Variants in RASGRP3 observed in about 807,000 individuals in gnomAD.
RASGRP3 encodes RAS guanyl releasing protein 3.
RASGRP3 carries 54 observed loss-of-function variants against 82.7 expected under a neutral mutation model. That is an observed-to-expected ratio of 0.65 (90% confidence interval 0.52 to 0.82). The LOEUF (loss-of-function observed/expected upper bound fraction) is 0.82, where lower values mean the gene tolerates loss of function less well. RASGRP3 is among the 40% of genes least tolerant of loss of function. The pLI is 0.00. For synonymous variants in RASGRP3, 309 were observed against 300.5 expected (o/e 1.03, Z -0.29); for missense variants, 861 against 828.9 (o/e 1.04, Z -0.48).
At chr2:33,557,370 A>G (rs1676101528) in intron 15 of RASGRP3, among the ~76,000 whole-genome samples, 1 of 152,234 alleles carries the variant, frequency 6.6e-6, no homozygotes, top group African/African-American at 2.4e-5. Flanking sequence ...AGCAGAAGAT[A>G]TAATCACTGG....
chr2:33,527,195 A>G lies in RASGRP3; in HGVS notation c.866A>G (p.Lys289Arg). Residue 289 changes from lysine (K) to arginine (R), a missense_variant, in exon 10 of 18, where the codon AAG (lysine) becomes AGG (arginine). By Grantham distance (26) the Lys-to-Arg change is conservative (BLOSUM62 2). Coordinates refer to ENST00000403687, the MANE Select transcript of RASGRP3 (RefSeq NM_001139488.2). Reference sequence around the variant, plus strand: ...AACGGCAATTACTGCAATTACCGCAAGGCCTTTGCCGACTGCGATGGCTTC... The same window carrying G: ...AACGGCAATTACTGCAATTACCGCAGGGCCTTTGCCGACTGCGATGGCTTC... The part of the protein sequence containing the change: ...SSNGNYCNYR[K>R]AFADCDGFKI... 6.2e-7 allele frequency: 1 copy of G among 1,614,054 alleles called. No homozygotes were observed. The highest frequency in any genetic ancestry group is 8.5e-7 in the Non-Finnish European group (1 of 1,179,884).
At chr2:33,512,495 A>G (rs781367777) in intron 2 of RASGRP3, among the ~76,000 whole-genome samples, 16 of 152,216 alleles carry the variant, frequency 1.1e-4, no homozygotes, top group Admixed American at 7.2e-4. Flanking sequence ...CATTAGAGGA[A>G]TCAGAGAAGT....
chr2:33,554,534 G>A (rs1321267848), intron 14 of RASGRP3, among the ~76,000 whole-genome samples: 1 of 151,664 alleles, frequency 6.6e-6, no homozygotes, highest in African/African-American at 2.4e-5. Context: ...GTGCAGTGGT[G>A]CGGTCTCAGC....
chr2:33,522,166 G>A, intron 7 of RASGRP3, 64 bp downstream of exon 7: 2 of 1,526,120 alleles, frequency 1.3e-6, no homozygotes, highest in Non-Finnish European at 1.8e-6. Context: ...CCCAAGAGCT[G>A]CATTTTCATA....
At chr2:33,495,846 C>T (rs978795699) in intron 1 of RASGRP3, among the ~76,000 whole-genome samples, 3 of 152,170 alleles carry the variant, frequency 2.0e-5, no homozygotes, top group Non-Finnish European at 2.9e-5. Context: ...GTCACTTGGT[C>T]TCAACTTGGG....
chr2:33,484,560 A>G (rs919232390), intron 1 of RASGRP3, among the ~76,000 whole-genome samples: 1 of 152,078 alleles, frequency 6.6e-6, no homozygotes, highest in Non-Finnish European at 1.5e-5. Context: ...TGGTAAGGAC[A>G]GCACCCAGTC....
At chr2:33,442,129 A>G (rs1158321869) in intron 1 of RASGRP3, among the ~76,000 whole-genome samples, 2 of 152,208 alleles carry the variant, frequency 1.3e-5, no homozygotes, top group Non-Finnish European at 2.9e-5. Context: ...AGTAAGAGCT[A>G]AAAAGTCATA....
At chr2:33,512,381 T>C (rs1167904580) in intron 2 of RASGRP3, among the ~76,000 whole-genome samples, 1 of 152,208 alleles carries the variant, frequency 6.6e-6, no homozygotes, top group Non-Finnish European at 1.5e-5. Context: ...ATATGTCTAC[T>C]CTTCCGTGAG....
At chr2:33,501,241 A>G (rs1405374818) in intron 1 of RASGRP3, among the ~76,000 whole-genome samples, 3 of 152,228 alleles carry the variant, frequency 2.0e-5, no homozygotes, top group East Asian at 3.8e-4. Context: ...ATATTGCAGC[A>G]TGTATCAGTA....
At chr2:33,470,807 C>T (rs1341650439) in intron 2 of RASGRP3, among the ~76,000 whole-genome samples, 1 of 152,088 alleles carries the variant, frequency 6.6e-6, no homozygotes, top group Non-Finnish European at 1.5e-5. Flanking sequence ...TTATTTGTAA[C>T]TGTTCACCTC....
chr2:33,467,988 C>CTTTCTT (rs1666808145), intron 2 of RASGRP3, among the ~76,000 whole-genome samples: 2 of 26,300 alleles, frequency 7.6e-5, no homozygotes, highest in Non-Finnish European at 1.5e-4. Context: ...CTTTTTCTTT[C>CTTTCTT]TTTCTTTCTT....
Position 33,522,035 on chromosome 2 carries a change from A to T in RASGRP3, c.449A>T (p.His150Leu), listed in dbSNP as rs917075235. 1.2e-6 allele frequency: 2 copies of T among 1,613,950 alleles called. No homozygotes were observed. The highest frequency in any genetic ancestry group is 2.2e-5 in the East Asian group (1 of 44,874). Residue 150 changes from histidine to leucine, a missense_variant, in exon 7 of 18, where the codon CAT becomes CTT. Physicochemically the swap from His to Leu is moderately conservative, Grantham distance 99. Coordinates refer to ENST00000403687, the MANE Select transcript of RASGRP3 (RefSeq NM_001139488.2). ...KKGKACLLFD[H>L]LEPIELAEHL... ...GGAAAAGCCTGTCTGCTGTTTGACCATCTGGAGCCCATTGAATTGGCTGAG... is the reference window on the plus strand; with the variant it reads ...GGAAAAGCCTGTCTGCTGTTTGACCTTCTGGAGCCCATTGAATTGGCTGAG...
intron 10 of RASGRP3, among the ~76,000 whole-genome samples, chr2:33,530,154 C>A (rs955153252): frequency 6.6e-6 from 1 of 152,142 alleles, no homozygotes; most frequent in Non-Finnish European, 1.5e-5. Context: ...CCAATGCATG[C>A]GAAGGCATCC....
chr2:33,522,088 T>G lies in RASGRP3; in HGVS notation c.502T>G (p.Phe168Val). Residue 168 changes from phenylalanine to valine, a missense_variant, in exon 7 of 18, where the codon TTT becomes GTT. Physicochemically the swap from Phe to Val is conservative, Grantham distance 50 (BLOSUM62 -1). Coordinates refer to ENST00000403687, the MANE Select transcript of RASGRP3 (RefSeq NM_001139488.2). ...EHLTFLEHKS[F>V]RRISFTDYQS... is the part of the protein sequence containing the mutation. Reference sequence around the variant, plus strand: ...CCTCACTTTTCTGGAGCATAAATCTTTTAGAAGGATCTCAGTAAGAAACTT... The same window carrying G: ...CCTCACTTTTCTGGAGCATAAATCTGTTAGAAGGATCTCAGTAAGAAACTT... 6.2e-7 allele frequency: 1 copy of G among 1,606,234 alleles called. No individual in the cohort carries two copies. The highest frequency in any genetic ancestry group is 8.5e-7 in the Non-Finnish European group (1 of 1,178,104).
chr2:33,541,510 A>G (rs1674275958), intron 12 of RASGRP3, among the ~76,000 whole-genome samples: 1 of 147,242 alleles, frequency 6.8e-6, no homozygotes, highest in Non-Finnish European at 1.5e-5. Flanking sequence ...TTACGTCACT[A>G]ACTTGATACA....
rs943847574 is a variant in RASGRP3 at position 33,563,126 on chromosome 2, A to AAAC, written c.*390_*392dup. 4.8e-6 allele frequency: 1 copy of AAAC among 206,628 alleles called. No homozygotes were observed. The highest frequency in any genetic ancestry group is 2.3e-5 in the African/African-American group (1 of 43,486). 12.8% of individuals were successfully genotyped at this position (206,628 alleles called of 1,614,324 possible). On this transcript the variant is annotated 3_prime_UTR_variant, in exon 18 of 18. Transcript: ENST00000403687. ...GAGACTATCCTTTCAATATTTTTAT[A>AAAC]AACTTTTGTGTGTGCTGTGGCAGGG...
chr2:33,498,555 C>A (rs1288426507), intron 1 of RASGRP3, among the ~76,000 whole-genome samples: 1 of 152,166 alleles, frequency 6.6e-6, no homozygotes, highest in Non-Finnish European at 1.5e-5. Flanking sequence ...CTCTCCCCTT[C>A]AAAATGGTTT....
chr2:33,484,844 G>A (rs1668232661), intron 1 of RASGRP3, among the ~76,000 whole-genome samples: 1 of 152,172 alleles, frequency 6.6e-6, no homozygotes, highest in Non-Finnish European at 1.5e-5. Flanking sequence ...TAGTCTGCCT[G>A]GAAACAAAGT....
At chr2:33,491,616 T>TGCAA (rs1668851243) in intron 1 of RASGRP3, among the ~76,000 whole-genome samples, 1 of 152,148 alleles carries the variant, frequency 6.6e-6, no homozygotes, top group Non-Finnish European at 1.5e-5. Context: ...GTATTATCAG[T>TGCAA]TTCCTTAGTC....
Sources: gnomAD v4.1 joint callset for allele counts (sites outside exome capture counted in the v4.1 genomes callset) on GRCh38, gnomAD v4.1.1 for gene constraint, MANE v1.5 for transcripts, NCBI Gene and HGNC (gene_info 2026-07-23, HGNC 2026-07-21) for gene names.